Variants in FER1L5 observed in about 807,000 individuals in gnomAD.
FER1L5 encodes the protein fer-1-like protein 5.
A neutral mutation model predicts 279.9 loss-of-function variants in FER1L5; 187 were observed. That is an observed-to-expected ratio of 0.67 (90% CI 0.59 to 0.75). The LOEUF is 0.75. Among genes scored for constraint, FER1L5 ranks in the 30% least tolerant of loss-of-function variants. The pLI is 0.00. For missense variants in FER1L5, 2,091 were observed against 2,594.4 expected (o/e 0.81, Z 4.21); for synonymous variants, 921 against 989.7 (o/e 0.93, Z 1.30).
intron 1 of FER1L5, among the ~76,000 whole-genome samples, chr2:96,644,607 G>A (rs1233446639): frequency 3.3e-5 from 5 of 152,192 alleles, no homozygotes; most frequent in Non-Finnish European, 7.4e-5. Flanking sequence ...GGGACCGTCA[G>A]CAGGGAGAAA....
Position 96,691,765 on chromosome 2 carries a change from T to G in FER1L5, c.3076-60T>G, listed in dbSNP as rs1192714315. The G allele has an allele frequency of 1.3e-6, 2 of 1,551,520 alleles. No individual in the cohort carries two copies. Among genetic ancestry groups the G allele is most frequent in the South Asian group, 2.4e-5 (2 of 84,034 alleles). On this transcript the variant is annotated intron_variant, in intron 29 of 52. Coordinates refer to ENST00000624922, the MANE Select transcript of FER1L5 (RefSeq NM_001293083.2). The surrounding 1 kb of genome is among the most constrained non-coding windows in gnomAD (Gnocchi z 6.0). Reference sequence around the variant, plus strand: ...TGTGAGGGAGGAGGGTGACTGGGCCTGGGCTAGAGGAAACAGGAGCAGCAC... The same window carrying G: ...TGTGAGGGAGGAGGGTGACTGGGCCGGGGCTAGAGGAAACAGGAGCAGCAC...
At chr2:96,693,405 C>T in intron 31 of FER1L5, 101 bp from the exon 32 acceptor site, 1 of 1,260,546 alleles carries the variant, frequency 7.9e-7, no homozygotes, top group Non-Finnish European at 1.1e-6. Flanking sequence ...CCCTGCCTGA[C>T]CCTCCTGGGC....
At chr2:96,656,265 T>G (rs983373525) in intron 9 of FER1L5, among the ~76,000 whole-genome samples, 13 of 152,254 alleles carry the variant, frequency 8.5e-5, no homozygotes, top group African/African-American at 2.9e-4. Context: ...ACTTTTATAA[T>G]TCCTAGGTAG....
intron 5 of FER1L5, 62 bp from the exon 6 acceptor site, chr2:96,650,117 GA>G: frequency 7.6e-7 from 1 of 1,312,476 alleles, no homozygotes; most frequent in Non-Finnish European, 1.1e-6. Flanking sequence ...ATGGAATGGG[GA>G]AAATACCTCA....
In FER1L5 at chr2:96,703,650, A is replaced by C. The variant is rs755096831; in HGVS notation, c.5801+18A>C. The C allele has an allele frequency of 1.9e-6, 3 of 1,610,608 alleles. No individual in the cohort carries two copies. In the African/African-American group the frequency reaches 4.0e-5, roughly 22 times the overall value. ...CCTCCCCTGTAAGGGTCCTTGGGGCAAAAGCACCAGATCTTTCTTGCTCCT... is the reference window on the plus strand; with the variant it reads ...CCTCCCCTGTAAGGGTCCTTGGGGCCAAAGCACCAGATCTTTCTTGCTCCT... On this transcript the variant is annotated intron_variant, in intron 51 of 52. Transcript: ENST00000624922.
Position 96,684,360 on chromosome 2 carries a change from C to T in FER1L5, c.1703C>T (p.Thr568Ile), listed in dbSNP as rs1004655317. Reference sequence around the variant, plus strand: ...TACCATTATGTGCCCTGGTACAACACCAAGCCTGTCGTGGCCGTGACCTCC... The same window carrying T: ...TACCATTATGTGCCCTGGTACAACATCAAGCCTGTCGTGGCCGTGACCTCC... Reference protein sequence around the residue: ...NIYHYVPWYNTKPVVAVTSNW... With the variant: ...NIYHYVPWYNIKPVVAVTSNW... The change falls in exon 20 of 53, where the codon ACC becomes ATC. Residue 568 changes from threonine (T) to isoleucine (I), a missense_variant. Physicochemically the swap from Thr to Ile is moderately conservative, Grantham distance 89. Coordinates refer to ENST00000624922, the MANE Select transcript of FER1L5 (RefSeq NM_001293083.2). 14 of 1,551,566 alleles carry T rather than the reference C, an allele frequency of 9.0e-6. No individual in the cohort carries two copies. The Admixed American group carries it at 1.2e-4, about 13-fold the overall frequency.
At chr2:96,653,799 G>A in intron 8 of FER1L5, 97 bp downstream of exon 8, 3 of 855,472 alleles carry the variant, frequency 3.5e-6, no homozygotes, top group South Asian at 3.1e-5. Context: ...AGAGCCAGGG[G>A]CACTTCAGAT....
rs567087589 is a variant in FER1L5, at chr2:96,703,632, T to C, written c.5801T>C (p.Leu1934Pro). Reference protein sequence around the residue: ...PNQYPTLHPPLRTNTSFTWLR... With the variant: ...PNQYPTLHPPPRTNTSFTWLR... ...CAGTACCCCACACTTCATCCTCCCC[T>C]GTAAGGGTCCTTGGGGCAAAAGCAC... The change falls in exon 51 of 53, where the codon CTA becomes CCA. Residue 1934 changes from leucine to proline, a missense_variant and splice_region_variant. By Grantham distance (98) the Leu-to-Pro change is moderately conservative. Transcript: ENST00000624922. 60 of 1,613,742 alleles carry C rather than the reference T, an allele frequency of 3.7e-5. No individual in the cohort carries two copies. The East Asian group carries it at 1.0e-3, about 28-fold the overall frequency.
intron 14 of FER1L5, among the ~76,000 whole-genome samples, chr2:96,667,729 G>A (rs1034635896): frequency 2.0e-5 from 3 of 152,186 alleles, no homozygotes; most frequent in Non-Finnish European, 4.4e-5. Context: ...CTAGGCCCAC[G>A]GCCTCTCCAT....
At position 96,659,393 on chromosome 2, in the gene FER1L5, CT is replaced by C. The variant is rs2075802681; in HGVS notation, c.748-945del. Among the ~76,000 whole-genome samples, 10 of 8,228 alleles carry C rather than the reference CT, an allele frequency of 1.2e-3. 1 individual carries two copies. Among genetic ancestry groups the C allele is most frequent in the Admixed American group, 5.5e-3 (3 of 542 alleles). The allele number at this position is 8,228 out of a possible 152,430, so 5.4% of individuals were successfully genotyped here. ...TCTTTCTTTCTTTCTTTCTTTCTTT[CT>C]TTCTTTCTTTCTTTCTTTCTTTCTT... On this transcript the variant is annotated intron_variant, in intron 9 of 52. Coordinates refer to ENST00000624922, the MANE Select transcript of FER1L5 (RefSeq NM_001293083.2).
At position 96,694,602 on chromosome 2, in the gene FER1L5, G is replaced by A; in HGVS notation, c.3741+138G>A. The A allele has an allele frequency of 3.3e-6, 2 of 612,080 alleles. No individual in the cohort carries two copies. Among genetic ancestry groups the A allele is most frequent in the East Asian group, 3.0e-5 (1 of 32,792 alleles). 37.9% of individuals were successfully genotyped at this position (612,080 alleles called of 1,614,324 possible). On this transcript the variant is annotated intron_variant, in intron 34 of 52. Transcript: ENST00000624922. This position sits in a 1 kb window ranked among gnomAD's most constrained non-coding sequence, Gnocchi z 4.6. Reference sequence around the variant, plus strand: ...AAAAAGACTACCTGGGAGGTGGAGGGAGACAGGAGAGAAACGAAGAGGTTC... The same window carrying A: ...AAAAAGACTACCTGGGAGGTGGAGGAAGACAGGAGAGAAACGAAGAGGTTC...
Position 96,685,388 on chromosome 2 carries a change from C to T in FER1L5, c.1854C>T (p.Tyr618=). 3 of 1,551,338 alleles carry T rather than the reference C, an allele frequency of 1.9e-6. No homozygotes were observed. Among genetic ancestry groups the T allele is most frequent in the Non-Finnish European group, 2.6e-6 (3 of 1,146,874 alleles). The part of the protein sequence containing the change: ...TRNPKDPALL[Y]QWEKLLRELA... ...ATCCGAAGGATCCAGCTCTCCTCTA[C>T]CAGTGGGAGAAACTGCTGAGGGAGC... The change falls in exon 21 of 53, where the codon TAC becomes TAT. Residue 618 remains tyrosine (Y), a synonymous_variant. Coordinates refer to ENST00000624922, the MANE Select transcript of FER1L5 (RefSeq NM_001293083.2).
Position 96,671,106 on chromosome 2 carries a change from C to CAAAAAAAAA in FER1L5, c.1491+873_1491+881dup, listed in dbSNP as rs750341048. On this transcript the variant is annotated intron_variant, in intron 18 of 52. Coordinates refer to ENST00000624922, the MANE Select transcript of FER1L5 (RefSeq NM_001293083.2). ...TGGGTGACAGAGTGAGACTCCATCT[C>CAAAAAAAAA]AAAAAAAAAAAAAAAAAAAAAAGGA... 5.2e-3 allele frequency among the ~76,000 whole-genome samples: 208 copies of CAAAAAAAAA among 40,206 alleles called. 38 individuals carry two copies. The highest frequency in any genetic ancestry group is 0.038 in the Middle Eastern group (1 of 26). 26.4% of individuals were successfully genotyped at this position (40,206 alleles called of 152,430 possible).
intron 6 of FER1L5, among the ~76,000 whole-genome samples, chr2:96,650,742 C>A (rs1358787194): frequency 6.6e-6 from 1 of 152,204 alleles, no homozygotes; most frequent in African/African-American, 2.4e-5. Context: ...ATCAACTTCC[C>A]TCTGGCTTCT....
In FER1L5 at chr2:96,683,133, G is replaced by A. The variant is rs1573907151; in HGVS notation, c.1670-1194G>A. 3.9e-5 allele frequency among the ~76,000 whole-genome samples: 6 copies of A among 152,292 alleles called. 1 individual carries two copies. The South Asian group carries it at 1.2e-3, about 32-fold the overall frequency. On this transcript the variant is annotated intron_variant, in intron 19 of 52. Coordinates refer to ENST00000624922, the MANE Select transcript of FER1L5 (RefSeq NM_001293083.2). Reference sequence around the variant, plus strand: ...CATTCCCCGGCCCCAACGGCTTAGGGTTTGGAGTTCGTGATCTGCATGGTG... The same window carrying A: ...CATTCCCCGGCCCCAACGGCTTAGGATTTGGAGTTCGTGATCTGCATGGTG...
intron 17 of FER1L5, 34 bp from the exon 18 acceptor site, chr2:96,670,085 C>T (rs541983752): frequency 2.6e-6 from 4 of 1,550,758 alleles, no homozygotes; most frequent in South Asian, 1.2e-5. Context: ...TTTTCTCTCA[C>T]CCCTTTTCTC....
At chr2:96,699,261 A>C in intron 42 of FER1L5, 125 bp downstream of exon 42, 1 of 1,005,876 alleles carries the variant, frequency 9.9e-7, no homozygotes, top group South Asian at 1.5e-5. Context: ...ACAGCGTCTT[A>C]CATGCCCTGG....
intron 14 of FER1L5, among the ~76,000 whole-genome samples, chr2:96,664,956 C>T (rs550631459): frequency 6.6e-6 from 1 of 152,160 alleles, no homozygotes; most frequent in Non-Finnish European, 1.5e-5. Flanking sequence ...TCTGCAGTAC[C>T]GGGCTACTTG....
At position 96,693,985 on chromosome 2, in the gene FER1L5, C is replaced by A; in HGVS notation, c.3549C>A (p.Pro1183=). The A allele has an allele frequency of 6.4e-7, 1 of 1,551,544 alleles. No homozygotes were observed. The highest frequency in any genetic ancestry group is 8.7e-7 in the Non-Finnish European group (1 of 1,146,958). ...VWLDLQDRIL[P]PMRWHPLVKE... ...TGGATCTCCAGGACCGGATCCTGCC[C>A]CCCATGAGGTGGCATCCCCTTGTAA... Residue 1183 remains proline, a synonymous_variant, in exon 33 of 53, where the codon CCC becomes CCA. Transcript: ENST00000624922.
Sources: gnomAD v4.1 joint callset for allele counts (sites outside exome capture counted in the v4.1 genomes callset) on GRCh38, gnomAD v4.1.1 for gene constraint, Gnocchi (gnomAD v3.1) non-coding constraint, MANE v1.5 for transcripts, NCBI Gene and HGNC (gene_info 2026-07-23, HGNC 2026-07-21) for gene names.